The following KANK4 variants were observed in gnomAD, a reference collection of about 807,000 sequenced individuals.
KANK4 encodes the protein KN motif and ankyrin repeat domains 4, also known as KN motif and ankyrin repeat domain-containing protein 4.
Under a neutral mutation model 80.8 loss-of-function variants are expected in KANK4, and 50 were observed. The ratio of observed to expected loss-of-function variants is 0.62; its 90% CI spans 0.49 to 0.78. KANK4 has a LOEUF of 0.78. Among genes scored for constraint, KANK4 ranks in the 30% least tolerant of loss-of-function variants. The probability of loss-of-function intolerance (pLI) is 0.00; values close to 1 mark genes in which losing one functional copy is unlikely to be tolerated. For missense variants in KANK4, 1,196 were observed against 1,240.1 expected (o/e 0.96, Z 0.53); for synonymous variants, 465 against 506.9 (o/e 0.92, Z 1.11).
At chr1:62,263,640 C>T (rs1393679687) in intron 6 of KANK4, among the ~76,000 whole-genome samples, 2 of 152,140 alleles carry the variant, frequency 1.3e-5, no homozygotes, top group Non-Finnish European at 2.9e-5. Context: ...CCCTGGTATG[C>T]GCACAATTAC....
At chr1:62,282,819 C>T (rs1461701626) in intron 1 of KANK4, among the ~76,000 whole-genome samples, 2 of 152,204 alleles carry the variant, frequency 1.3e-5, no homozygotes, top group Non-Finnish European at 2.9e-5. Flanking sequence ...TTTCTAGAAG[C>T]AGAGACAATC....
intron 1 of KANK4, among the ~76,000 whole-genome samples, chr1:62,299,206 T>C (rs1245413048): frequency 6.6e-6 from 1 of 152,128 alleles, no homozygotes; most frequent in Non-Finnish European, 1.5e-5. Context: ...CACAGGTGCA[T>C]GCCATGATGC....
rs756927491 is a variant in KANK4, at chr1:62,273,747, C to T, written c.1357G>A (p.Gly453Ser). The change falls in exon 3 of 10, where the codon GGC becomes AGC. Residue 453 changes from glycine (G) to serine (S), a missense_variant. Physicochemically the swap from Gly to Ser is moderately conservative, Grantham distance 56. Transcript: ENST00000371153. Reference protein sequence around the residue: ...ESWGHRGEENGLLWGPDGHKQ... With the variant: ...ESWGHRGEENSLLWGPDGHKQ... ...TGACCATCTGGCCCCCATAGGAGGCCATTCTCCTCTCCTCGGTGCCCCCAG... is the reference window on the plus strand; with the variant it reads ...TGACCATCTGGCCCCCATAGGAGGCTATTCTCCTCTCCTCGGTGCCCCCAG... 1.2e-6 allele frequency: 2 copies of T among 1,614,124 alleles called. No individual in the cohort carries two copies. Among genetic ancestry groups the T allele is most frequent in the South Asian group, 1.1e-5 (1 of 91,074 alleles).
intron 1 of KANK4, among the ~76,000 whole-genome samples, chr1:62,318,800 T>C (rs1644564369): frequency 6.6e-6 from 1 of 152,064 alleles, no homozygotes; most frequent in Admixed American, 6.5e-5. Context: ...ACCCCCAGAA[T>C]TGGGGCGCGG....
At chr1:62,305,441 TGG>T (rs374042713) in intron 1 of KANK4, among the ~76,000 whole-genome samples, 81 of 152,280 alleles carry the variant, frequency 5.3e-4, no homozygotes, top group African/African-American at 1.8e-3. Context: ...CCCAAGTAGC[TGG>T]GATTACAGGC....
At chr1:62,307,888 C>T (rs1228876209) in intron 1 of KANK4, among the ~76,000 whole-genome samples, 1 of 152,094 alleles carries the variant, frequency 6.6e-6, no homozygotes, top group Non-Finnish European at 1.5e-5. Context: ...AAGCCAAATG[C>T]CACCCATGTG....
At chr1:62,281,110 C>T (rs1228321147) in intron 2 of KANK4, among the ~76,000 whole-genome samples, 1 of 152,158 alleles carries the variant, frequency 6.6e-6, no homozygotes, top group Admixed American at 6.5e-5. Flanking sequence ...CATCCAGCTC[C>T]CAGCCAAGTC....
At chr1:62,243,365 G>C (rs894170737) in intron 9 of KANK4, among the ~76,000 whole-genome samples, 1 of 149,934 alleles carries the variant, frequency 6.7e-6, no homozygotes, top group African/African-American at 2.5e-5. Context: ...TTGAGACAGA[G>C]TTTTGTTCTT....
chr1:62,273,745 G>C lies in KANK4; in HGVS notation c.1359C>G (p.Gly453=), dbSNP rs1439501151. The C allele has an allele frequency of 1.2e-6, 2 of 1,614,134 alleles. No individual in the cohort carries two copies. The highest frequency in any genetic ancestry group is 1.7e-6 in the Non-Finnish European group (2 of 1,180,010). Reference sequence around the variant, plus strand: ...TATGACCATCTGGCCCCCATAGGAGGCCATTCTCCTCTCCTCGGTGCCCCC... The same window carrying C: ...TATGACCATCTGGCCCCCATAGGAGCCCATTCTCCTCTCCTCGGTGCCCCC... ...ESWGHRGEEN[G]LLWGPDGHKQ... Residue 453 remains glycine (G), a synonymous_variant, in exon 3 of 10, where the codon GGC becomes GGG. Coordinates refer to ENST00000371153, the MANE Select transcript of KANK4 (RefSeq NM_181712.5).
intron 1 of KANK4, among the ~76,000 whole-genome samples, chr1:62,317,978 G>A (rs1178495780): frequency 6.6e-6 from 1 of 152,204 alleles, no homozygotes; most frequent in African/African-American, 2.4e-5. Context: ...GAAGTGGGAA[G>A]GCTGGGCTTG....
intron 1 of KANK4, among the ~76,000 whole-genome samples, chr1:62,300,662 G>C (rs1311428318): frequency 6.6e-6 from 1 of 152,072 alleles, no homozygotes; most frequent in East Asian, 1.9e-4. Context: ...GGAAGACAGA[G>C]GTTGGAAGTC....
At chr1:62,300,855 T>C (rs1325742) in intron 1 of KANK4, among the ~76,000 whole-genome samples, 45,669 of 151,826 alleles carry the variant, frequency 0.3, 7,594 homozygotes, top group East Asian at 0.63. Flanking sequence ...AAGAGGGAAA[T>C]AGCAAGTCTG....
intron 1 of KANK4, among the ~76,000 whole-genome samples, chr1:62,309,158 T>A (rs537029758): frequency 1.3e-5 from 2 of 152,338 alleles, no homozygotes; most frequent in African/African-American, 4.8e-5. Flanking sequence ...TGGGTTCTGG[T>A]GGGGTCCCTC....
chr1:62,238,037 C>T lies in KANK4; in HGVS notation c.*240G>A. 2.3e-6 allele frequency: 1 copy of T among 438,534 alleles called. No homozygotes were observed. The highest frequency in any genetic ancestry group is 3.4e-5 in the East Asian group (1 of 29,396). 27.2% of individuals were successfully genotyped at this position (438,534 alleles called of 1,614,324 possible). A position where few individuals can be genotyped will look rare whatever the true frequency, so the allele number is the denominator to read the frequency against. ...ATGTTTGGATGACACCGACGTACCC[C>T]TCACCTTGCACCTTGAACCCTGCTC... On this transcript the variant is annotated 3_prime_UTR_variant, in exon 10 of 10. Coordinates refer to ENST00000371153, the MANE Select transcript of KANK4 (RefSeq NM_181712.5).
chr1:62,243,129 G>C (rs1383608555), intron 9 of KANK4, among the ~76,000 whole-genome samples: 1 of 152,100 alleles, frequency 6.6e-6, no homozygotes, highest in Admixed American at 6.6e-5. Flanking sequence ...TGCCATGATA[G>C]ATTTCCTCCT....
intron 6 of KANK4, among the ~76,000 whole-genome samples, chr1:62,263,938 C>A (rs1274495136): frequency 6.6e-6 from 1 of 152,152 alleles, no homozygotes; most frequent in African/African-American, 2.4e-5. Flanking sequence ...TCCTCTGGGA[C>A]CATGAACGAG....
intron 1 of KANK4, among the ~76,000 whole-genome samples, chr1:62,290,276 G>A (rs1324604890): frequency 2.0e-5 from 3 of 152,056 alleles, no homozygotes; most frequent in Non-Finnish European, 2.9e-5. Context: ...CCCTAGAGGG[G>A]GTCATGCCAC....
At chr1:62,308,527 T>A (rs544194008) in intron 1 of KANK4, among the ~76,000 whole-genome samples, 1 of 152,176 alleles carries the variant, frequency 6.6e-6, no homozygotes, top group East Asian at 1.9e-4. Context: ...CTGGTCCAGG[T>A]TGGAGAGAAC....
intron 1 of KANK4, among the ~76,000 whole-genome samples, chr1:62,297,648 G>T (rs959443990): frequency 6.6e-6 from 1 of 152,180 alleles, no homozygotes; most frequent in Non-Finnish European, 1.5e-5. Flanking sequence ...AACATCAGGC[G>T]ATTATTAAAA....
Sources: gnomAD v4.1 joint callset for allele counts (sites outside exome capture counted in the v4.1 genomes callset) on GRCh38, gnomAD v4.1.1 for gene constraint, MANE v1.5 for transcripts, NCBI Gene and HGNC (gene_info 2026-07-23, HGNC 2026-07-21) for gene names.